The following DNAH2 variants were observed in gnomAD, a reference collection of about 807,000 sequenced individuals.
DNAH2 encodes dynein axonemal heavy chain 2.
DNAH2 carries 323 observed loss-of-function variants against 523.5 expected under a neutral mutation model. The observed-to-expected ratio is 0.62, with a 90% confidence interval of 0.56 to 0.68. DNAH2 has a LOEUF of 0.68. Among genes scored for constraint, DNAH2 ranks in the 30% least tolerant of loss-of-function variants. The pLI is 0.00. For synonymous variants in DNAH2, 2,093 were observed against 2,177.4 expected, an observed-to-expected ratio of 0.96 and a Z score of 1.08; for missense variants, 4,907 against 5,701.5, an observed-to-expected ratio of 0.86 and a Z score of 4.49.
chr17:7,824,512 C>A, intron 76 of DNAH2, 25 bp from the exon 77 acceptor site: 2 of 1,516,470 alleles, frequency 1.3e-6, no homozygotes, highest in South Asian at 1.3e-5. Context: ...AAATGATTCC[C>A]ACTGACCCTG....
Position 7,824,270 on chromosome 17 carries a change from C to T in DNAH2, c.11628C>T (p.Ile3876=), listed in dbSNP as rs765837613. 69 of 1,542,682 alleles carry T rather than the reference C, an allele frequency of 4.5e-5. No homozygotes were observed. Among genetic ancestry groups the T allele is most frequent in the African/African-American group, 5.6e-5 (4 of 71,846 alleles). Residue 3876 remains isoleucine (I), a synonymous_variant, in exon 76 of 86, where the codon ATC becomes ATT. Coordinates refer to ENST00000572933, the MANE Select transcript of DNAH2 (RefSeq NM_020877.5). ...CCCTGGGCCAGGGCCAGGCCCCCAT[C>T]GCTGCTCGGCTCCTCCGAGAGGGTG... The part of the protein sequence containing the change: ...ALSLGQGQAP[I]AARLLREGVT...
chr17:7,766,553 C>G, intron 22 of DNAH2, 72 bp downstream of exon 22: 1 of 1,478,282 alleles, frequency 6.8e-7, no homozygotes, highest in South Asian at 1.3e-5. Context: ...GTCCTTAGCG[C>G]CCACAAAGGC....
intron 42 of DNAH2, chr17:7,787,373 C>A (rs1053924616): frequency 1.3e-5 from 5 of 390,966 alleles, no homozygotes; most frequent in South Asian, 4.2e-5. Flanking sequence ...CTTTTCCACC[C>A]ACTCCAACAA....
At position 7,742,896 on chromosome 17, in the gene DNAH2, C is replaced by T. The variant is rs368934655; in HGVS notation, c.1690-32C>T. On this transcript the variant is annotated intron_variant, in intron 11 of 85. Coordinates refer to ENST00000572933, the MANE Select transcript of DNAH2 (RefSeq NM_020877.5). ...TGGCCCCTGGAGGAAGGTGGCAGGC[C>T]GACTCCACCCACCTGTTCTTCTTCC... 25 of 1,406,096 alleles carry T rather than the reference C, an allele frequency of 1.8e-5. 1 individual carries two copies. Among genetic ancestry groups the T allele is most frequent in the African/African-American group, 2.9e-5 (2 of 68,208 alleles). 87.1% of individuals were successfully genotyped at this position (1,406,096 alleles called of 1,614,324 possible). A position where few individuals can be genotyped will look rare whatever the true frequency, so the allele number is the denominator to read the frequency against.
At chr17:7,745,008 T>C (rs568368497) in intron 12 of DNAH2, among the ~76,000 whole-genome samples, 1 of 152,106 alleles carries the variant, frequency 6.6e-6, no homozygotes, top group Non-Finnish European at 1.5e-5. Context: ...TTTTTTTTTT[T>C]TCTTGAGACA....
In DNAH2 at chr17:7,718,177, C is replaced by T. The variant is rs1247395241; in HGVS notation, c.-637C>T. The T allele has an allele frequency of 1.3e-5, 2 of 152,200 alleles. No homozygotes were observed. 9.4% of individuals were successfully genotyped at this position (152,200 alleles called of 1,614,324 possible). On this transcript the variant is annotated 5_prime_UTR_variant, in exon 1 of 86. Transcript: ENST00000572933. ...TGAGCCCCGACTTAGCAGAGCAGTT[C>T]CTCCTGGGGCCTGCGGTGTGGGATC... is the stretch of plus-strand genomic sequence containing the variant.
At chr17:7,719,375 C>T (rs1016202633) in intron 1 of DNAH2, among the ~76,000 whole-genome samples, 2 of 152,244 alleles carry the variant, frequency 1.3e-5, no homozygotes, top group Non-Finnish European at 2.9e-5. Flanking sequence ...GTGATCCACC[C>T]GGCTCGGCCT....
chr17:7,740,232 G>A (rs186177404), intron 9 of DNAH2, among the ~76,000 whole-genome samples, 188 bp from the exon 10 acceptor site: 6 of 152,264 alleles, frequency 3.9e-5, no homozygotes, highest in South Asian at 2.1e-4. Context: ...TATGCAATAC[G>A]GTTAGAGATA....
At position 7,823,899 on chromosome 17, in the gene DNAH2, C is replaced by T. The variant is rs775819741; in HGVS notation, c.11395C>T (p.Arg3799Cys). 18 of 1,614,122 alleles carry T rather than the reference C, an allele frequency of 1.1e-5. No homozygotes were observed. Among genetic ancestry groups the T allele is most frequent in the Non-Finnish European group, 1.4e-5 (17 of 1,180,042 alleles). ...GATCGTTCGCTCCCTGCGCCAGGAC[C>T]GCGTGGCCTTCTGCGTGACCTCCTT... ...MLIVRSLRQD[R>C]VAFCVTSFII... The change falls in exon 75 of 86, where the codon CGC becomes TGC. Residue 3799 changes from arginine (R) to cysteine (C), a missense_variant. Physicochemically the swap from Arg to Cys is radical, Grantham distance 180. This residue lies in a region of DNAH2 where 1,851 missense variants were observed against 2,139.4 expected (regional missense o/e 0.87). Coordinates refer to ENST00000572933, the MANE Select transcript of DNAH2 (RefSeq NM_020877.5).
At chr17:7,777,375 A>G (rs997452557) in intron 32 of DNAH2, 71 bp from the exon 33 acceptor site, 24 of 1,554,588 alleles carry the variant, frequency 1.5e-5, no homozygotes, top group Middle Eastern at 2.0e-4. Flanking sequence ...GGTGCTGGGT[A>G]GGGGCAAGGG....
rs1350541929 is a variant in DNAH2, at chr17:7,763,828, C to G, written c.2979-3C>G. ...TCCTAGCTGGGATCTGGGGCTCTTG[C>G]AGCTACACGGAAGTTGCTAATAACG... On this transcript the variant is annotated splice_region_variant and splice_polypyrimidine_tract_variant and intron_variant, in intron 18 of 85. Coordinates refer to ENST00000572933, the MANE Select transcript of DNAH2 (RefSeq NM_020877.5). 1.2e-6 allele frequency: 2 copies of G among 1,613,824 alleles called. No homozygotes were observed. Among genetic ancestry groups the G allele is most frequent in the African/African-American group, 2.7e-5 (2 of 74,946 alleles).
At chr17:7,742,860 C>CGGTGGTCGCCGTATCATTAA in intron 11 of DNAH2, 68 bp from the exon 12 acceptor site, 6 of 1,217,038 alleles carry the variant, frequency 4.9e-6, no homozygotes, top group South Asian at 2.4e-5. Context: ...GTGTAGGTCT[C>CGGTGGTCGCCGTATCATTAA]AGGGAGATGG....
rs768986749 is a variant in DNAH2, at chr17:7,776,845, GA to G, written c.5015del (p.Glu1672GlyfsTer11). 4 of 1,612,602 alleles carry G rather than the reference GA, an allele frequency of 2.5e-6. No homozygotes were observed. In the African/African-American group the frequency reaches 5.3e-5, roughly 22 times the overall value. On this transcript the variant is annotated frameshift_variant, in exon 32 of 86. Coordinates refer to ENST00000572933, the MANE Select transcript of DNAH2 (RefSeq NM_020877.5). LOFTEE classifies it high-confidence loss of function. ...DVTKCLLTAK[E>X]RADKKILKVM... ...CACCAAGTGCCTGCTGACAGCGAAGGAGCGGGCAGACAAGAAAATCCTCAAG... is the reference window on the plus strand; with the variant it reads ...CACCAAGTGCCTGCTGACAGCGAAGGGCGGGCAGACAAGAAAATCCTCAAG...
chr17:7,734,738 C>T, intron 7 of DNAH2, 30 bp downstream of exon 7: 2 of 1,604,898 alleles, frequency 1.2e-6, no homozygotes, highest in African/African-American at 1.3e-5. Context: ...GATTCAGGCT[C>T]AGCAAGAAGT....
At chr17:7,824,809 C>T in intron 77 of DNAH2, 82 bp downstream of exon 77, 5 of 1,204,282 alleles carry the variant, frequency 4.2e-6, no homozygotes, top group Non-Finnish European at 5.6e-6. Context: ...AGGGCTTAAC[C>T]AACAACAACA....
Position 7,760,378 on chromosome 17 carries a change from AG to A in DNAH2, c.2786-356del, listed in dbSNP as rs1491099353. Among the ~76,000 whole-genome samples the A allele has an allele frequency of 7.5e-6, 1 of 133,914 alleles. No individual in the cohort carries two copies. Among genetic ancestry groups the A allele is most frequent in the South Asian group, 2.5e-4 (1 of 4,068 alleles). 87.9% of individuals were successfully genotyped at this position (133,914 alleles called of 152,430 possible). On this transcript the variant is annotated intron_variant, in intron 17 of 85. Coordinates refer to ENST00000572933, the MANE Select transcript of DNAH2 (RefSeq NM_020877.5). The surrounding 1 kb of genome is among the most constrained non-coding windows in gnomAD (Gnocchi z 4.0). ...TCCATCTAAAAAAAAAAACAAAAACAGGGGGGCCAGACTGGGGAAGGGAGCA... is the reference window on the plus strand; with the variant it reads ...TCCATCTAAAAAAAAAAACAAAAACAGGGGGCCAGACTGGGGAAGGGAGCA...
In DNAH2 at chr17:7,832,886, C is replaced by G; in HGVS notation, c.12936C>G (p.Ile4312Met). The change falls in exon 84 of 86, where the codon ATC becomes ATG. Residue 4312 changes from isoleucine (I) to methionine (M), a missense_variant. Around this residue, in one of 3 missense-constraint regions of DNAH2, gnomAD observed 1,851 missense variants for 2,139.4 expected, o/e 0.87. Coordinates refer to ENST00000572933, the MANE Select transcript of DNAH2 (RefSeq NM_020877.5). This position sits in a 1 kb window ranked among gnomAD's most constrained non-coding sequence, Gnocchi z 4.3. ...VSVDSLSWEF[I>M]VSTVDDSNLV... is the part of the protein sequence containing the mutation. ...TGGACAGCCTCTCCTGGGAGTTTATCGTTTCCACTGTGGATGACAGCAACC... is the reference window on the plus strand; with the variant it reads ...TGGACAGCCTCTCCTGGGAGTTTATGGTTTCCACTGTGGATGACAGCAACC... 6.2e-7 allele frequency: 1 copy of G among 1,614,208 alleles called. No homozygotes were observed. Among genetic ancestry groups the G allele is most frequent in the Non-Finnish European group, 8.5e-7 (1 of 1,180,040 alleles).
chr17:7,738,364 C>T (rs189605594), intron 8 of DNAH2, among the ~76,000 whole-genome samples: 2 of 152,060 alleles, frequency 1.3e-5, no homozygotes, highest in African/African-American at 4.8e-5. Flanking sequence ...GAGTCTTGGT[C>T]TGCCACCCAG....
At chr17:7,739,625 TGCCATCACTCACAGTGATG>T in intron 8 of DNAH2, 89 bp from the exon 9 acceptor site, 1 of 983,586 alleles carries the variant, frequency 1.0e-6, no homozygotes, top group Non-Finnish European at 1.5e-6. Flanking sequence ...TTTTTTCACT[TGCCATCACTCACAGTGATG>T]TTTTTAGACA....
Sources: allele counts gnomAD v4.1 joint callset (sites outside exome capture counted in the v4.1 genomes callset), GRCh38; gene constraint gnomAD v4.1.1; regional missense constraint gnomAD v4.1.1; non-coding constraint Gnocchi (gnomAD v3.1); transcripts MANE v1.5; gene names NCBI Gene and HGNC (gene_info 2026-07-23, HGNC 2026-07-21).